The following DSCAM variants were observed in gnomAD, a reference collection of about 807,000 sequenced individuals.
The protein encoded by DSCAM is cell adhesion molecule DSCAM.
DSCAM carries 47 observed loss-of-function variants against 217.7 expected under a neutral mutation model. The observed-to-expected ratio is 0.22, with a 90% CI of 0.17 to 0.28. DSCAM has a LOEUF of 0.28. Ranked by LOEUF, DSCAM falls within the 10% of genes least tolerant of loss-of-function variation. The pLI, the probability that DSCAM is intolerant of heterozygous loss-of-function variation, is 1.00. For missense variants in DSCAM, 2,080 were observed against 2,618.3 expected (o/e 0.79, Z 4.49); for synonymous variants, 1,056 against 1,015.3 (o/e 1.04, Z -0.76).
chr21:40,846,148 A>C (rs2092143274), intron 1 of DSCAM, among the ~76,000 whole-genome samples: 1 of 152,142 alleles, frequency 6.6e-6, no homozygotes. Context: ...CTGGAGATAC[A>C]TTGTACTAGC....
At chr21:40,378,551 C>CTTTTTT (rs2074986379) in intron 3 of DSCAM, among the ~76,000 whole-genome samples, 1 of 101,406 alleles carries the variant, frequency 9.9e-6, no homozygotes, top group Non-Finnish European at 2.1e-5. Context: ...ACAATGAAAA[C>CTTTTTT]TTATTTTTTT....
intron 8 of DSCAM, among the ~76,000 whole-genome samples, chr21:40,318,023 T>C (rs555661817): frequency 3.5e-3 from 532 of 152,148 alleles, no homozygotes; most frequent in African/African-American, 8.8e-3. Context: ...TTTATGGCTG[T>C]ATAGTATTCC....
chr21:40,346,312 A>C (rs909078970), intron 6 of DSCAM, among the ~76,000 whole-genome samples: 1 of 152,254 alleles, frequency 6.6e-6, no homozygotes, highest in Admixed American at 6.5e-5. Context: ...CACTGTCTGC[A>C]ATGAAACGAT....
At chr21:40,181,407 TA>T (rs1280840440) in intron 14 of DSCAM, among the ~76,000 whole-genome samples, 1 of 152,120 alleles carries the variant, frequency 6.6e-6, no homozygotes, top group Non-Finnish European at 1.5e-5. Flanking sequence ...CCTGTGCTTT[TA>T]AAAAGGCTCC....
chr21:40,049,727 A>T (rs1568912914), intron 30 of DSCAM, among the ~76,000 whole-genome samples: 1 of 152,080 alleles, frequency 6.6e-6, no homozygotes, highest in Admixed American at 6.5e-5. Context: ...TAGCCATGAG[A>T]TACACACACG....
At chr21:40,172,289 C>T (rs551784618) in intron 15 of DSCAM, among the ~76,000 whole-genome samples, 1 of 152,284 alleles carries the variant, frequency 6.6e-6, no homozygotes, top group East Asian at 1.9e-4. Context: ...AGTGATTTTA[C>T]AAAATAAACT....
chr21:40,549,576 C>T (rs1215202477), intron 3 of DSCAM, among the ~76,000 whole-genome samples: 1 of 152,124 alleles, frequency 6.6e-6, no homozygotes. Context: ...TCAGTTATGT[C>T]TGTGTTTTAA....
At chr21:40,239,386 A>G (rs1278369678) in intron 11 of DSCAM, among the ~76,000 whole-genome samples, 1 of 152,192 alleles carries the variant, frequency 6.6e-6, no homozygotes, top group African/African-American at 2.4e-5. Context: ...CCTGTTTTGT[A>G]TATGCTATTT....
At chr21:40,761,493 A>T (rs534285163) in intron 1 of DSCAM, among the ~76,000 whole-genome samples, 113 of 152,098 alleles carry the variant, frequency 7.4e-4, no homozygotes, top group African/African-American at 2.6e-3. Context: ...ATGAATACAG[A>T]CATCCACCAG....
At chr21:40,147,089 T>G (rs924478841) in intron 16 of DSCAM, among the ~76,000 whole-genome samples, 1 of 152,228 alleles carries the variant, frequency 6.6e-6, no homozygotes, top group African/African-American at 2.4e-5. Flanking sequence ...GAGATTTACA[T>G]CCATTAAATA....
chr21:40,773,634 G>A (rs148901531), intron 1 of DSCAM, among the ~76,000 whole-genome samples: 42 of 152,316 alleles, frequency 2.8e-4, no homozygotes, highest in African/African-American at 9.9e-4. Flanking sequence ...ACACATTTCA[G>A]CAAAGTGCCT....
intron 1 of DSCAM, among the ~76,000 whole-genome samples, chr21:40,811,284 A>C (rs1436341279): frequency 4.6e-5 from 7 of 152,226 alleles, no homozygotes; most frequent in African/African-American, 1.7e-4. Flanking sequence ...TATTAGCCAG[A>C]ACCCCCAAAT....
intron 11 of DSCAM, among the ~76,000 whole-genome samples, chr21:40,228,604 T>G (rs80214296): frequency 0.029 from 4,424 of 151,958 alleles, 207 homozygotes; most frequent in East Asian, 0.14. Context: ...CCATCATTGC[T>G]TGTTTATTTT....
intron 16 of DSCAM, among the ~76,000 whole-genome samples, chr21:40,165,133 C>T (rs562719643): frequency 1.3e-5 from 2 of 152,328 alleles, no homozygotes; most frequent in South Asian, 4.1e-4. Context: ...CCGTGGCTGA[C>T]AGATGTGGGG....
In DSCAM at chr21:40,070,062, C is replaced by T. The variant is rs997570362; in HGVS notation, c.4888+4975G>A. ...GTAGCCCTCGACTCCCCCTCACCCC[C>T]ATGCTCTTTTGCTTCCCGCTGTCAG... On this transcript the variant is annotated intron_variant, in intron 27 of 32. Transcript: ENST00000400454. 5.9e-5 allele frequency among the ~76,000 whole-genome samples: 9 copies of T among 152,018 alleles called. 1 individual carries two copies. The highest frequency in any genetic ancestry group is 2.6e-4 in the Admixed American group (4 of 15,276).
intron 3 of DSCAM, among the ~76,000 whole-genome samples, chr21:40,565,187 G>T (rs532391122): frequency 1.3e-5 from 2 of 152,184 alleles, no homozygotes; most frequent in East Asian, 3.9e-4. Context: ...TGGCTACTGG[G>T]TGTCTATAGC....
At chr21:40,426,423 T>C (rs1006833266) in intron 3 of DSCAM, among the ~76,000 whole-genome samples, 1 of 152,248 alleles carries the variant, frequency 6.6e-6, no homozygotes, top group Non-Finnish European at 1.5e-5. Flanking sequence ...CGTTGCCTGC[T>C]GTGGGAACAG....
chr21:40,037,511 A>G lies in DSCAM; in HGVS notation c.5686+4860T>C, dbSNP rs2088649117. On this transcript the variant is annotated intron_variant, in intron 32 of 32. Transcript: ENST00000400454. The stretch of plus-strand genomic sequence containing the variant: ...ACTACAAACCACTGCTCAACGAAAT[A>G]AAAGAGGATACAAACAAATGGAAGA... 3.4e-5 allele frequency among the ~76,000 whole-genome samples: 5 copies of G among 146,512 alleles called. No individual in the cohort carries two copies. In the South Asian group the frequency reaches 1.1e-3, roughly 31 times the overall value.
intron 11 of DSCAM, among the ~76,000 whole-genome samples, chr21:40,213,824 T>G (rs1275737336): frequency 6.6e-6 from 1 of 152,156 alleles, no homozygotes; most frequent in East Asian, 1.9e-4. Context: ...GATATTCTAG[T>G]GCAGGGATAT....
Sources: allele counts gnomAD v4.1 joint callset (sites outside exome capture counted in the v4.1 genomes callset), GRCh38; gene constraint gnomAD v4.1.1; transcripts MANE v1.5; gene names NCBI Gene and HGNC (gene_info 2026-07-23, HGNC 2026-07-21).